Variants in RPS6KC1 observed in about 807,000 individuals in gnomAD.
RPS6KC1 encodes inactive ribosomal protein S6 kinase delta-1.
A neutral mutation model predicts 103.8 loss-of-function variants in RPS6KC1; 54 were observed. The observed-to-expected ratio is 0.52, with a 90% CI of 0.42 to 0.65. The LOEUF (loss-of-function observed/expected upper bound fraction) is 0.65. Among genes scored for constraint, RPS6KC1 ranks in the 30% least tolerant of loss-of-function variants. RPS6KC1 has a pLI of 0.00. For synonymous variants in RPS6KC1, 439 were observed against 438.7 expected (o/e 1.00, Z -0.01); for missense variants, 1,151 against 1,253.8 (o/e 0.92, Z 1.24).
intron 8 of RPS6KC1, among the ~76,000 whole-genome samples, chr1:213,185,300 A>G (rs2092471376): frequency 1.3e-5 from 2 of 152,130 alleles, no homozygotes; most frequent in African/African-American, 2.4e-5. Flanking sequence ...TTTCTTGAAG[A>G]CAGCATATAG....
chr1:213,650,402 A>G, the RPS6KC1 span, among the ~76,000 whole-genome samples: 14 of 152,212 alleles, frequency 9.2e-5, no homozygotes, highest in African/African-American at 2.7e-4. Context: ...ATTAGCCTTC[A>G]GCAAAAGTAT....
At chr1:213,162,563 G>A (rs79181819) in intron 6 of RPS6KC1, among the ~76,000 whole-genome samples, 1,627 of 152,256 alleles carry the variant, frequency 0.011, 13 homozygotes, top group Non-Finnish European at 0.015. Context: ...GATTACAGGC[G>A]TGAGTCACCA....
the RPS6KC1 span, among the ~76,000 whole-genome samples, chr1:213,683,581 T>C: frequency 6.6e-6 from 1 of 152,084 alleles, no homozygotes; most frequent in South Asian, 2.1e-4. Context: ...GCAATTTAGC[T>C]CGGCTTGGAA....
At chr1:213,387,159 A>T in the RPS6KC1 span, among the ~76,000 whole-genome samples, 1 of 152,242 alleles carries the variant, frequency 6.6e-6, no homozygotes, top group African/African-American at 2.4e-5. Context: ...AGAGTTAATC[A>T]GGGTATCCCA....
chr1:213,859,302 G>A, the RPS6KC1 span, among the ~76,000 whole-genome samples: 5 of 152,078 alleles, frequency 3.3e-5, no homozygotes, highest in Admixed American at 6.6e-5. Flanking sequence ...CCCTCCCCTC[G>A]CCTGTTTATT....
chr1:213,762,906 G>C, the RPS6KC1 span, among the ~76,000 whole-genome samples: 1 of 149,364 alleles, frequency 6.7e-6, no homozygotes, highest in Non-Finnish European at 1.5e-5. Flanking sequence ...CTGTCGCCCA[G>C]ACTGGAGTGC....
chr1:213,166,164 A>G (rs1301734042), intron 6 of RPS6KC1, among the ~76,000 whole-genome samples: 1 of 152,126 alleles, frequency 6.6e-6, no homozygotes, highest in East Asian at 1.9e-4. Context: ...ACTTTATTAA[A>G]GCTTAAACAC....
At chr1:213,132,710 GA>G (rs759300442) in intron 6 of RPS6KC1, among the ~76,000 whole-genome samples, 1 of 152,138 alleles carries the variant, frequency 6.6e-6, no homozygotes, top group Non-Finnish European at 1.5e-5. Flanking sequence ...CATTTAAATT[GA>G]ACTCTTCATA....
At chr1:213,344,992 C>CA in the RPS6KC1 span, among the ~76,000 whole-genome samples, 5 of 152,148 alleles carry the variant, frequency 3.3e-5, no homozygotes, top group Non-Finnish European at 7.4e-5. Flanking sequence ...GAAGAAAATG[C>CA]AAATTCTTTT....
the RPS6KC1 span, among the ~76,000 whole-genome samples, chr1:213,487,844 A>G: frequency 6.6e-6 from 1 of 152,180 alleles, no homozygotes; most frequent in Non-Finnish European, 1.5e-5. Context: ...TGATGTTATT[A>G]TTATTACCTT....
chr1:213,313,703 G>A, the RPS6KC1 span, among the ~76,000 whole-genome samples: 2 of 152,162 alleles, frequency 1.3e-5, no homozygotes, highest in African/African-American at 2.4e-5. Flanking sequence ...GGTGGCTCAC[G>A]CCTGTAATCC....
chr1:213,778,206 A>G, the RPS6KC1 span, among the ~76,000 whole-genome samples: 2 of 152,212 alleles, frequency 1.3e-5, no homozygotes, highest in Non-Finnish European at 2.9e-5. Context: ...CTCAATAAAT[A>G]TTGATATAGC....
At chr1:213,411,991 T>A in the RPS6KC1 span, among the ~76,000 whole-genome samples, 1 of 152,186 alleles carries the variant, frequency 6.6e-6, no homozygotes, top group Non-Finnish European at 1.5e-5. Flanking sequence ...GCATATTTTG[T>A]GGGTGTTCAG....
the RPS6KC1 span, among the ~76,000 whole-genome samples, chr1:213,527,384 A>G: frequency 0.65 from 98,203 of 152,108 alleles, 33,864 homozygotes; most frequent in East Asian, 0.98. Context: ...ATAGAACAAG[A>G]AAACTGAGGC....
chr1:213,480,151 G>A, the RPS6KC1 span, among the ~76,000 whole-genome samples: 1 of 151,944 alleles, frequency 6.6e-6, no homozygotes, highest in Non-Finnish European at 1.5e-5. Flanking sequence ...CATTCTGTTG[G>A]CATTTTGATT....
At chr1:213,422,089 G>A in the RPS6KC1 span, among the ~76,000 whole-genome samples, 1 of 152,156 alleles carries the variant, frequency 6.6e-6, no homozygotes, top group Non-Finnish European at 1.5e-5. Flanking sequence ...GTGGCACTAA[G>A]GACATTCACA....
chr1:213,339,222 T>C, the RPS6KC1 span, among the ~76,000 whole-genome samples: 2 of 152,090 alleles, frequency 1.3e-5, no homozygotes, highest in Admixed American at 6.6e-5. Flanking sequence ...ACTGAGACCA[T>C]GCCATTGCAC....
At chr1:213,722,999 T>C in the RPS6KC1 span, among the ~76,000 whole-genome samples, 1 of 152,104 alleles carries the variant, frequency 6.6e-6, no homozygotes, top group Non-Finnish European at 1.5e-5. Flanking sequence ...GCCACGATAG[T>C]GAAACCCCAT....
chr1:213,582,275 C>A, the RPS6KC1 span, among the ~76,000 whole-genome samples: 1 of 152,004 alleles, frequency 6.6e-6, no homozygotes, highest in Non-Finnish European at 1.5e-5. Context: ...AGTTTAAATC[C>A]TCTGTGTTAT....
Sources: gnomAD v4.1 joint callset for allele counts (sites outside exome capture counted in the v4.1 genomes callset) on GRCh38, gnomAD v4.1.1 for gene constraint, MANE v1.5 for transcripts, NCBI Gene and HGNC (gene_info 2026-07-23, HGNC 2026-07-21) for gene names.